The following RXRA variants were observed in gnomAD, a reference collection of about 807,000 sequenced individuals.
RXRA encodes retinoid X receptor alpha, also known as retinoic acid receptor RXR-alpha.
Under a neutral mutation model 44.5 loss-of-function variants are expected in RXRA, and 5 were observed. That is an observed-to-expected ratio of 0.11 (90% CI 0.06 to 0.24). The LOEUF is 0.24. RXRA is among the 10% of genes least tolerant of loss of function. The probability of loss-of-function intolerance (pLI) is 1.00; values close to 1 mark genes in which losing one functional copy is unlikely to be tolerated. For missense variants in RXRA, 412 were observed against 646.5 expected (o/e 0.64, Z 3.93); for synonymous variants, 291 against 271.4 (o/e 1.07, Z -0.71).
intron 5 of RXRA, among the ~76,000 whole-genome samples, chr9:134,419,015 C>G (rs1831284147): frequency 6.6e-6 from 1 of 152,240 alleles, no homozygotes. Context: ...CGGCTCTGCT[C>G]AGACCTCTAC....
chr9:134,434,346 G>A lies in RXRA; in HGVS notation c.1241+139G>A, dbSNP rs952434255. 7 of 624,306 alleles carry A rather than the reference G, an allele frequency of 1.1e-5. No homozygotes were observed. In the Admixed American group the frequency reaches 1.9e-4, roughly 17 times the overall value. The allele number at this position is 624,306 out of a possible 1,614,324, so 38.7% of individuals were successfully genotyped here. A position where few individuals can be genotyped will look rare whatever the true frequency, so the allele number is the denominator to read the frequency against. On this transcript the variant is annotated intron_variant, in intron 9 of 9. Coordinates refer to ENST00000481739, the MANE Select transcript of RXRA (RefSeq NM_002957.6). ...AGCCCATGCCAGCAGGTCCTGAGCA[G>A]GCAGCAGGAGGTCCTCCAGGCCAGT...
intron 4 of RXRA, among the ~76,000 whole-genome samples, chr9:134,414,894 G>A (rs990165875): frequency 6.6e-6 from 1 of 152,170 alleles, no homozygotes; most frequent in Admixed American, 6.5e-5. Flanking sequence ...GGAGGGTCGT[G>A]TCAGTAGTGA....
chr9:134,409,749 C>G (rs1250619813), intron 4 of RXRA, among the ~76,000 whole-genome samples: 1 of 152,220 alleles, frequency 6.6e-6, no homozygotes, highest in Admixed American at 6.5e-5. Context: ...TTGGCGATTC[C>G]TGGCCTCTTA....
intron 7 of RXRA, among the ~76,000 whole-genome samples, chr9:134,431,003 C>G (rs552431235): frequency 2.6e-5 from 4 of 152,254 alleles, no homozygotes; most frequent in Non-Finnish European, 5.9e-5. Flanking sequence ...CTGTCCCACC[C>G]TGTTCTCCAG....
At chr9:134,370,169 C>A (rs964417851) in intron 1 of RXRA, among the ~76,000 whole-genome samples, 48 of 152,298 alleles carry the variant, frequency 3.2e-4, no homozygotes, top group African/African-American at 1.2e-3. Context: ...CTGTCTGTCC[C>A]ATGGCTATGG....
intron 1 of RXRA, among the ~76,000 whole-genome samples, chr9:134,385,419 C>T (rs1830704851): frequency 6.6e-6 from 1 of 152,224 alleles, no homozygotes; most frequent in Non-Finnish European, 1.5e-5. Context: ...TGCTCAGGCC[C>T]TGCCTCACCA....
At chr9:134,359,407 C>G (rs563495157) in intron 1 of RXRA, among the ~76,000 whole-genome samples, 1 of 152,176 alleles carries the variant, frequency 6.6e-6, no homozygotes, top group South Asian at 2.1e-4. Context: ...CCCACCTCCC[C>G]TCCCTTCCCA....
At position 134,434,166 on chromosome 9, in the gene RXRA, G is replaced by T; in HGVS notation, c.1200G>T (p.Leu400Phe). 6.2e-7 allele frequency: 1 copy of T among 1,613,860 alleles called. No homozygotes were observed. The highest frequency in any genetic ancestry group is 8.5e-7 in the Non-Finnish European group (1 of 1,179,906). Reference sequence around the variant, plus strand: ...TGAGGGAGAAGGTCTATGCGTCCTTGGAGGCCTACTGCAAGCACAAGTACC... The same window carrying T: ...TGAGGGAGAAGGTCTATGCGTCCTTTGAGGCCTACTGCAAGCACAAGTACC... ...EALREKVYAS[L>F]EAYCKHKYPE... The change falls in exon 9 of 10, where the codon TTG becomes TTT. Residue 400 changes from leucine to phenylalanine, a missense_variant. By Grantham distance (22) the Leu-to-Phe change is conservative. Transcript: ENST00000481739.
At chr9:134,408,422 G>C in intron 3 of RXRA, 123 bp downstream of exon 3, 1 of 1,075,730 alleles carries the variant, frequency 9.3e-7, no homozygotes, top group Non-Finnish European at 1.3e-6. Flanking sequence ...GGTGCAGGGA[G>C]GCAGGTGCCT....
chr9:134,340,478 A>T (rs1297549320), intron 1 of RXRA, among the ~76,000 whole-genome samples: 5 of 152,142 alleles, frequency 3.3e-5, no homozygotes, highest in African/African-American at 1.2e-4. Flanking sequence ...AGTGCCAGGG[A>T]GCACTCTGAA....
At chr9:134,409,206 A>G (rs1831107625) in intron 4 of RXRA, 87 bp downstream of exon 4, 2 of 1,311,984 alleles carry the variant, frequency 1.5e-6, no homozygotes, top group African/African-American at 3.0e-5. Flanking sequence ...GAGATGGACA[A>G]CAGGGAGTGA....
intron 1 of RXRA, among the ~76,000 whole-genome samples, chr9:134,336,186 C>T (rs1830003132): frequency 1.3e-5 from 2 of 152,202 alleles, no homozygotes; most frequent in African/African-American, 4.8e-5. Flanking sequence ...ACCGCACCAT[C>T]CCGGGCCCAG....
chr9:134,330,128 A>G (rs1039549286), intron 1 of RXRA, among the ~76,000 whole-genome samples: 6 of 152,106 alleles, frequency 3.9e-5, no homozygotes, highest in Non-Finnish European at 8.8e-5. Flanking sequence ...GTGGTGAGCA[A>G]TGCCTGTCCT....
rs36022935 is a variant in RXRA at position 134,426,987 on chromosome 9, G to A, written c.911-2121G>A. ...CTCTCAGCCTGGGAAAACCTGACGGGCTGAGCCGTAGGAGGGGCAGGAGTG... is the reference window on the plus strand; with the variant it reads ...CTCTCAGCCTGGGAAAACCTGACGGACTGAGCCGTAGGAGGGGCAGGAGTG... On this transcript the variant is annotated intron_variant, in intron 6 of 9. Coordinates refer to ENST00000481739, the MANE Select transcript of RXRA (RefSeq NM_002957.6). This position sits in a 1 kb window ranked among gnomAD's most constrained non-coding sequence, Gnocchi z 4.6. The A allele has an allele frequency of 4.1e-6, 4 of 985,126 alleles. No individual in the cohort carries two copies. In the African/African-American group the frequency reaches 7.0e-5, roughly 17 times the overall value. The allele number at this position is 985,126 out of a possible 1,614,324, so 61.0% of individuals were successfully genotyped here.
intron 1 of RXRA, among the ~76,000 whole-genome samples, chr9:134,350,775 C>G (rs1015148372): frequency 7.2e-5 from 11 of 152,266 alleles, no homozygotes; most frequent in African/African-American, 2.7e-4. Context: ...AGTGGCTCTG[C>G]TTTCCTCCCC....
chr9:134,432,533 G>A (rs555582502), intron 8 of RXRA, among the ~76,000 whole-genome samples: 18 of 152,228 alleles, frequency 1.2e-4, no homozygotes, highest in Admixed American at 9.8e-4. Flanking sequence ...CCGACAGTGC[G>A]GCCCTTCTCC....
intron 6 of RXRA, chr9:134,422,227 C>A: frequency 7.8e-7 from 1 of 1,287,038 alleles, no homozygotes; most frequent in Non-Finnish European, 1.0e-6. Flanking sequence ...CTGGGACATA[C>A]TCCCCACTCC....
intron 1 of RXRA, among the ~76,000 whole-genome samples, chr9:134,382,655 T>C (rs1421426635): frequency 6.6e-6 from 1 of 152,030 alleles, no homozygotes; most frequent in Non-Finnish European, 1.5e-5. Context: ...AATCAGCCCC[T>C]CCAGTTATCC....
rs537746734 is a variant in RXRA, at chr9:134,329,538, G to A, written c.28+2879G>A. ...CCCGAGCATGCAGCTGTGACCCTCTGCCCAGATGTGGATGGGACGAGCTGG... is the reference window on the plus strand; with the variant it reads ...CCCGAGCATGCAGCTGTGACCCTCTACCCAGATGTGGATGGGACGAGCTGG... On this transcript the variant is annotated intron_variant, in intron 1 of 9. Transcript: ENST00000481739. Among the ~76,000 whole-genome samples the A allele has an allele frequency of 1.8e-4, 27 of 152,350 alleles. No individual in the cohort carries two copies. The East Asian group carries it at 5.2e-3, about 29-fold the overall frequency.
Sources: gnomAD v4.1 joint callset for allele counts (sites outside exome capture counted in the v4.1 genomes callset) on GRCh38, gnomAD v4.1.1 for gene constraint, Gnocchi (gnomAD v3.1) non-coding constraint, MANE v1.5 for transcripts, NCBI Gene and HGNC (gene_info 2026-07-23, HGNC 2026-07-21) for gene names.